MIB2: variants seen among roughly 807,000 people sequenced by gnomAD.
The protein encoded by MIB2 is MIB E3 ubiquitin protein ligase 2.
MIB2 carries 78 observed loss-of-function variants against 96.6 expected under a neutral mutation model. The observed-to-expected ratio is 0.81, with a 90% CI of 0.67 to 0.97. The LOEUF is 0.97. Among genes scored for constraint, MIB2 ranks in the 50% least tolerant of loss-of-function variants. The pLI, the probability that MIB2 is intolerant of heterozygous loss-of-function variation, is 0.00. For synonymous variants in MIB2, 820 were observed against 629.5 expected, an observed-to-expected ratio of 1.30 and a Z score of -4.53; for missense variants, 1,543 against 1,424.0, an observed-to-expected ratio of 1.08 and a Z score of -1.35.
chr1:1,617,190 T>C (rs1557552263), intron 2 of MIB2: 1 of 154,056 alleles, frequency 6.5e-6, no homozygotes, highest in East Asian at 1.9e-4. Context: ...CCATGGCCTG[T>C]GGCGTGCCAC....
At chr1:1,615,949 G>C in intron 1 of MIB2, 2 of 988,412 alleles carry the variant, frequency 2.0e-6, no homozygotes, top group Non-Finnish European at 2.4e-6. Flanking sequence ...CGCGCGGCAG[G>C]CGCTCTGGCC....
intron 2 of MIB2, among the ~76,000 whole-genome samples, chr1:1,621,384 C>T (rs963309810): frequency 2.0e-5 from 3 of 152,260 alleles, no homozygotes; most frequent in Non-Finnish European, 4.4e-5. Flanking sequence ...CAGCTGCCTT[C>T]CCTGATGGCT....
intron 16 of MIB2, 48 bp from the exon 17 acceptor site, chr1:1,629,085 G>C (rs1029263745): frequency 5.7e-6 from 8 of 1,393,988 alleles, no homozygotes; most frequent in Non-Finnish European, 7.4e-6. Context: ...CGCCTCCCTC[G>C]GGCCTGCCCC....
intron 19 of MIB2, among the ~76,000 whole-genome samples, chr1:1,629,946 C>G (rs1274800724): frequency 6.7e-6 from 1 of 148,650 alleles, no homozygotes; most frequent in East Asian, 2.0e-4. Flanking sequence ...ACCCCAGCCC[C>G]GCTGGATTTC....
Position 1,628,230 on chromosome 1 carries a change from T to C in MIB2, c.1842-43T>C, listed in dbSNP as rs759916885. On this transcript the variant is annotated intron_variant, in intron 14 of 19. Transcript: ENST00000355826. ...GCAGCCGGCCTCTTGCTGTGCTGCC[T>C]GGGGGCAGTCCCAGGTCCCAGACCA... 30 of 1,612,476 alleles carry C rather than the reference T, an allele frequency of 1.9e-5. No individual in the cohort carries two copies. The East Asian group carries it at 6.5e-4, about 35-fold the overall frequency.
Position 1,616,537 on chromosome 1 carries a change from G to A in MIB2, c.-100G>A. 2 of 1,602,984 alleles carry A rather than the reference G, an allele frequency of 1.2e-6. No individual in the cohort carries two copies. Among genetic ancestry groups the A allele is most frequent in the South Asian group, 2.2e-5 (2 of 89,596 alleles). On this transcript the variant is annotated 5_prime_UTR_variant, in exon 2 of 20. Transcript: ENST00000355826. Reference sequence around the variant, plus strand: ...GGAAGCCCAGCGAGGCTAGAGGCCAGTCCCAAAGTTTCCAGGCATCAGGGC... The same window carrying A: ...GGAAGCCCAGCGAGGCTAGAGGCCAATCCCAAAGTTTCCAGGCATCAGGGC...
In MIB2 at chr1:1,625,425, G is replaced by A. The variant is rs748847425; in HGVS notation, c.861G>A (p.Ala287=). 1.6e-5 allele frequency: 25 copies of A among 1,568,108 alleles called. No homozygotes were observed. The South Asian group carries it at 1.6e-4, about 10-fold the overall frequency. ...EGHGGWNPRM[A]EFIGQTGTVH... is the part of the protein sequence containing the mutation. ...ACGGCGGCTGGAACCCCAGGATGGC[G>A]GAGGTGAGCCGCCCCGCCGTGGAGC... The change falls in exon 7 of 20, where the codon GCG becomes GCA. Residue 287 remains alanine, a synonymous_variant. Coordinates refer to ENST00000355826, the MANE Select transcript of MIB2 (RefSeq NM_001170687.4). The surrounding 1 kb of genome is among the most constrained non-coding windows in gnomAD (Gnocchi z 5.0).
rs1421320232 is a variant in MIB2 at position 1,622,699 on chromosome 1, C to T, written c.-22-732C>T. 5.9e-5 allele frequency among the ~76,000 whole-genome samples: 9 copies of T among 152,306 alleles called. No individual in the cohort carries two copies. In the Middle Eastern group the frequency reaches 0.017, roughly 288 times the overall value. Reference sequence around the variant, plus strand: ...GAGGACCCAGGAACCTGCCTCTGCTCGAGTATCCGGCCTCTGTCGTGAGTG... The same window carrying T: ...GAGGACCCAGGAACCTGCCTCTGCTTGAGTATCCGGCCTCTGTCGTGAGTG... On this transcript the variant is annotated intron_variant, in intron 2 of 19. Transcript: ENST00000355826.
At chr1:1,620,688 G>A (rs772987589) in intron 2 of MIB2, among the ~76,000 whole-genome samples, 9 of 152,254 alleles carry the variant, frequency 5.9e-5, no homozygotes, top group Non-Finnish European at 1.2e-4. Context: ...GCTGGAGTGG[G>A]GGAGCTCAGC....
chr1:1,613,756 A>C (rs1461433354), upstream of MIB2: 1 of 152,234 alleles, frequency 6.6e-6, no homozygotes, highest in Non-Finnish European at 1.5e-5. Flanking sequence ...AACAAAAAAC[A>C]GTTGGTAGAG....
At chr1:1,629,898 C>T (rs1638452037) in intron 19 of MIB2, among the ~76,000 whole-genome samples, 194 bp downstream of exon 19, 1 of 146,910 alleles carries the variant, frequency 6.8e-6, no homozygotes, top group Admixed American at 6.8e-5. Flanking sequence ...ACCCGGCCCA[C>T]AGCCCCGCCT....
In MIB2 at chr1:1,626,625, C is replaced by A; in HGVS notation, c.973-25C>A. The A allele has an allele frequency of 6.6e-7, 1 of 1,518,002 alleles. No individual in the cohort carries two copies. The highest frequency in any genetic ancestry group is 8.8e-7 in the Non-Finnish European group (1 of 1,133,512). 94.0% of individuals were successfully genotyped at this position (1,518,002 alleles called of 1,614,324 possible). On this transcript the variant is annotated intron_variant, in intron 8 of 19. Coordinates refer to ENST00000355826, the MANE Select transcript of MIB2 (RefSeq NM_001170687.4). This position sits in a 1 kb window ranked among gnomAD's most constrained non-coding sequence, Gnocchi z 5.3. ...GGCAGCCACACACAGCTGGGGGGCC[C>A]CTCACGCCCCTCTTTGTCGCTCAGC...
intron 2 of MIB2, chr1:1,617,436 G>GAGATC (rs1213406940): frequency 1.3e-5 from 2 of 152,226 alleles, no homozygotes; most frequent in African/African-American, 4.8e-5. Context: ...CCTGCCCTCT[G>GAGATC]AGAGCTTGCA....
Position 1,627,083 on chromosome 1 carries a change from G to C in MIB2, c.1250G>C (p.Ser417Thr). The change falls in exon 11 of 20, where the codon AGC becomes ACC. Residue 417 changes from serine (S) to threonine (T), a missense_variant. Coordinates refer to ENST00000355826, the MANE Select transcript of MIB2 (RefSeq NM_001170687.4). ...ERARENKSSL[S>T]VALDKLRAQK... ...TCAGCCCTGCCCCCAGGCTCACTGA[G>C]CGTGGCCCTGGACAAGCTTCGGGCC... is the stretch of plus-strand genomic sequence containing the variant. 6.2e-7 allele frequency: 1 copy of C among 1,600,436 alleles called. No individual in the cohort carries two copies. Among genetic ancestry groups the C allele is most frequent in the Non-Finnish European group, 8.5e-7 (1 of 1,173,968 alleles).
chr1:1,623,217 C>A, intron 2 of MIB2: 1 of 770,230 alleles, frequency 1.3e-6, no homozygotes, highest in Non-Finnish European at 2.0e-6. Flanking sequence ...CCGCGCCAGG[C>A]TGGCACGGCG....
At chr1:1,615,119 C>T (rs1643467520), upstream of MIB2, 1 of 330,594 alleles carries the variant, frequency 3.0e-6, no homozygotes, top group Admixed American at 5.3e-5. Flanking sequence ...GCGTCCAACT[C>T]TGGGGTGCAG....
intron 19 of MIB2, 28 bp downstream of exon 19, chr1:1,629,732 GCCT>G (rs1174126521): frequency 6.4e-7 from 1 of 1,558,098 alleles, no homozygotes; most frequent in Non-Finnish European, 8.7e-7. Flanking sequence ...CCCCCAACAC[GCCT>G]CCTGCTCAGC....
Position 1,625,306 on chromosome 1 carries a change from C to G in MIB2, c.742C>G (p.Arg248Gly). Residue 248 changes from arginine to glycine, a missense_variant, in exon 7 of 20, where the codon CGC (arginine) becomes GGC (glycine). Arg to Gly is a moderately radical substitution (Grantham distance 125). Coordinates refer to ENST00000355826, the MANE Select transcript of MIB2 (RefSeq NM_001170687.4). This position sits in a 1 kb window ranked among gnomAD's most constrained non-coding sequence, Gnocchi z 5.0. ...PRLGKPAELQRRVSADSQPFQ... is the reference protein window; with the variant it reads ...PRLGKPAELQGRVSADSQPFQ... ...CGCAGGCAAGCCGGCGGAGCTGCAG[C>G]GCAGGGTGAGTGCTGACAGCCAGCC... 1 of 1,584,142 alleles carries G rather than the reference C, an allele frequency of 6.3e-7. No homozygotes were observed. Among genetic ancestry groups the G allele is most frequent in the South Asian group, 1.1e-5 (1 of 88,042 alleles).
chr1:1,624,931 G>C (rs1285779425), intron 5 of MIB2, 30 bp downstream of exon 5: 1 of 1,608,980 alleles, frequency 6.2e-7, no homozygotes, highest in Non-Finnish European at 8.5e-7. Context: ...CGGGGTCAGG[G>C]CTGGGCTGTG....
Sources: gnomAD v4.1 joint callset for allele counts (sites outside exome capture counted in the v4.1 genomes callset) on GRCh38, gnomAD v4.1.1 for gene constraint, Gnocchi (gnomAD v3.1) non-coding constraint, MANE v1.5 for transcripts, NCBI Gene and HGNC (gene_info 2026-07-23, HGNC 2026-07-21) for gene names.